RARB: variants seen among roughly 807,000 people sequenced by gnomAD.
RARB encodes HBV-activated protein.
In RARB, 17 loss-of-function variants were observed where a neutral mutation model predicts 51.9. The observed-to-expected ratio is 0.33, with a 90% CI of 0.22 to 0.49. The LOEUF is 0.49. Ranked by LOEUF, RARB falls within the 20% of genes least tolerant of loss-of-function variation. The probability of loss-of-function intolerance (pLI) is 0.99; values close to 1 mark genes in which losing one functional copy is unlikely to be tolerated. For missense variants in RARB, 369 were observed against 550.8 expected (o/e 0.67, Z 3.30); for synonymous variants, 215 against 195.4 (o/e 1.10, Z -0.84).
intron 5 of RARB, among the ~76,000 whole-genome samples, chr3:25,397,102 G>C (rs1296560539): frequency 1.3e-5 from 2 of 152,276 alleles, no homozygotes; most frequent in East Asian, 3.9e-4. Flanking sequence ...ACAAATTTCA[G>C]CTGGAAATTT....
At chr3:25,363,452 C>T (rs1250719196) in intron 5 of RARB, among the ~76,000 whole-genome samples, 8 of 152,180 alleles carry the variant, frequency 5.3e-5, no homozygotes, top group South Asian at 2.1e-4. Context: ...CTACAACTTT[C>T]GCCATCTGGG....
chr3:25,112,350 G>C (rs1559470743), intron 3 of RARB, among the ~76,000 whole-genome samples: 1 of 152,160 alleles, frequency 6.6e-6, no homozygotes. Flanking sequence ...TACAAATGCA[G>C]ATTCTCAGGC....
chr3:25,113,431 A>G (rs1699635706), intron 3 of RARB, among the ~76,000 whole-genome samples: 1 of 152,222 alleles, frequency 6.6e-6, no homozygotes, highest in Admixed American at 6.5e-5. Flanking sequence ...TAATAAACAT[A>G]CAGTGGAAAT....
At chr3:25,296,391 T>G (rs1703914703) in intron 5 of RARB, among the ~76,000 whole-genome samples, 1 of 152,182 alleles carries the variant, frequency 6.6e-6, no homozygotes, top group Non-Finnish European at 1.5e-5. Context: ...GGGAAGTAAC[T>G]TCACTATTTC....
At chr3:24,911,479 G>C (rs372818288) in intron 2 of RARB, among the ~76,000 whole-genome samples, 1 of 152,186 alleles carries the variant, frequency 6.6e-6, no homozygotes, top group Non-Finnish European at 1.5e-5. Context: ...TATGGAGGAG[G>C]AATGGTCCCA....
intron 5 of RARB, among the ~76,000 whole-genome samples, chr3:25,278,138 G>A (rs1039684496): frequency 2.0e-5 from 3 of 152,258 alleles, no homozygotes; most frequent in African/African-American, 4.8e-5. Context: ...GCCATTATGA[G>A]CATTGTAGCT....
At chr3:25,192,530 A>C (rs1005527143) in intron 5 of RARB, among the ~76,000 whole-genome samples, 1 of 152,118 alleles carries the variant, frequency 6.6e-6, no homozygotes, top group Non-Finnish European at 1.5e-5. Context: ...TTAATTTAAC[A>C]TTTAGTACTG....
rs1700638260 is a variant in RARB at position 25,569,810 on chromosome 3, C to T, written c.501C>T (p.Cys167=). 1 of 1,614,164 alleles carries T rather than the reference C, an allele frequency of 6.2e-7. No individual in the cohort carries two copies. The highest frequency in any genetic ancestry group is 8.5e-7 in the Non-Finnish European group (1 of 1,180,010). ...KKKKETSKQE[C]TESYEMTAEL... Reference sequence around the variant, plus strand: ...AGAAGGAGACTTCGAAGCAAGAATGCACAGAGAGCTATGAAATGACAGCTG... The same window carrying T: ...AGAAGGAGACTTCGAAGCAAGAATGTACAGAGAGCTATGAAATGACAGCTG... Residue 167 remains cysteine (C), a synonymous_variant, in exon 4 of 8, where the codon TGC becomes TGT. Transcript: ENST00000330688.
intron 4 of RARB, among the ~76,000 whole-genome samples, chr3:25,164,953 C>G (rs1298232954): frequency 6.6e-6 from 1 of 152,112 alleles, no homozygotes; most frequent in Admixed American, 6.5e-5. Context: ...TCTCAACGTG[C>G]AGGTCGACCT....
At chr3:25,043,665 T>C (rs1192962346) in intron 2 of RARB, among the ~76,000 whole-genome samples, 1 of 152,180 alleles carries the variant, frequency 6.6e-6, no homozygotes, top group Admixed American at 6.5e-5. Context: ...TATTTATAAT[T>C]ATATCAAGAT....
At chr3:25,321,138 G>A (rs1372133096) in intron 5 of RARB, among the ~76,000 whole-genome samples, 1 of 152,126 alleles carries the variant, frequency 6.6e-6, no homozygotes, top group East Asian at 1.9e-4. Context: ...TTTAGGATAA[G>A]CTTAGAAACC....
At chr3:25,424,309 T>C (rs1324729058), upstream of RARB, among the ~76,000 whole-genome samples, 1 of 152,196 alleles carries the variant, frequency 6.6e-6, no homozygotes, top group Non-Finnish European at 1.5e-5. Context: ...TGTGAGCAGG[T>C]GTTCATACTG....
chr3:25,596,543 C>G lies in RARB; in HGVS notation c.1274C>G (p.Ala425Gly). The G allele has an allele frequency of 6.2e-7, 1 of 1,613,816 alleles. No individual in the cohort carries two copies. The highest frequency in any genetic ancestry group is 8.5e-7 in the Non-Finnish European group (1 of 1,179,730). Residue 425 changes from alanine (A) to glycine (G), a missense_variant, in exon 8 of 8, where the codon GCA (alanine) becomes GGA (glycine). Around this residue, in one of 9 missense-constraint regions of RARB, gnomAD observed 54 missense variants for 43.4 expected, o/e 1.24. Coordinates refer to ENST00000330688, the MANE Select transcript of RARB (RefSeq NM_000965.5). ...PLTPSSSGNT[A>G]EHSPSISPSS... is the part of the protein sequence containing the mutation. ...ACCCCAAGTTCAAGTGGGAACACAG[C>G]AGAGCACAGTCCTAGCATCTCACCC...
chr3:25,312,983 G>A (rs1275706560), intron 5 of RARB, among the ~76,000 whole-genome samples: 1 of 152,184 alleles, frequency 6.6e-6, no homozygotes, highest in Non-Finnish European at 1.5e-5. Context: ...ATTTGAATTT[G>A]TGTCTTCAAG....
chr3:25,534,078 C>T (rs557652684), intron 3 of RARB, among the ~76,000 whole-genome samples: 1 of 152,354 alleles, frequency 6.6e-6, no homozygotes, highest in South Asian at 2.1e-4. Flanking sequence ...TGGCTCAATG[C>T]AGCTCCAACT....
chr3:25,492,359 C>T (rs1575455776), intron 2 of RARB, among the ~76,000 whole-genome samples: 2 of 152,172 alleles, frequency 1.3e-5, no homozygotes, highest in African/African-American at 2.4e-5. Context: ...TTTACGTTAC[C>T]TAGTAACATT....
chr3:24,907,239 G>A lies in RARB; in HGVS notation c.-380+48487G>A, dbSNP rs548363944. Among the ~76,000 whole-genome samples, 12 of 152,314 alleles carry A rather than the reference G, an allele frequency of 7.9e-5. No individual in the cohort carries two copies. In the South Asian group the frequency reaches 2.5e-3, roughly 32 times the overall value. On this transcript the variant is annotated intron_variant, in intron 2 of 11. Coordinates refer to the RARB transcript ENST00000383772. Reference sequence around the variant, plus strand: ...CAAACTTTAGCATCAGAATCACTTAGAGAATTTGTTTATAAACAAATTTCC... The same window carrying A: ...CAAACTTTAGCATCAGAATCACTTAAAGAATTTGTTTATAAACAAATTTCC...
chr3:25,352,790 C>T (rs1006183636), intron 5 of RARB, among the ~76,000 whole-genome samples: 1 of 152,116 alleles, frequency 6.6e-6, no homozygotes, highest in Non-Finnish European at 1.5e-5. Context: ...CATTACTTTC[C>T]ACTTCCTTCT....
At chr3:25,570,701 T>C (rs1322777067) in intron 4 of RARB, among the ~76,000 whole-genome samples, 1 of 152,244 alleles carries the variant, frequency 6.6e-6, no homozygotes, top group African/African-American at 2.4e-5. Flanking sequence ...TGTTCACTGA[T>C]GTATATTTCT....
Sources: allele counts gnomAD v4.1 joint callset (sites outside exome capture counted in the v4.1 genomes callset), GRCh38; gene constraint gnomAD v4.1.1; regional missense constraint gnomAD v4.1.1; transcripts MANE v1.5; gene names NCBI Gene and HGNC (gene_info 2026-07-23, HGNC 2026-07-21).